Variants in CRACR2A observed in about 807,000 individuals in gnomAD.
CRACR2A encodes the protein EF-hand calcium-binding domain-containing protein 4B.
A neutral mutation model predicts 90.5 loss-of-function variants in CRACR2A; 79 were observed. That is an observed-to-expected ratio of 0.87 (90% CI 0.73 to 1.05). CRACR2A has a LOEUF of 1.05. Among genes scored for constraint, CRACR2A ranks in the 50% least tolerant of loss-of-function variants. CRACR2A has a pLI of 0.00. For missense variants in CRACR2A, 823 were observed against 897.2 expected, an observed-to-expected ratio of 0.92 and a Z score of 1.06; for synonymous variants, 338 against 356.7, an observed-to-expected ratio of 0.95 and a Z score of 0.59.
intron 9 of CRACR2A, among the ~76,000 whole-genome samples, chr12:3,655,701 T>C (rs560854856): frequency 6.6e-6 from 1 of 152,326 alleles, no homozygotes; most frequent in South Asian, 2.1e-4. Context: ...CACAGCCATA[T>C]AGACACTGCC....
At chr12:3,618,671 GT>G (rs1333675519) in intron 18 of CRACR2A, among the ~76,000 whole-genome samples, 1 of 152,164 alleles carries the variant, frequency 6.6e-6, no homozygotes, top group Non-Finnish European at 1.5e-5. Context: ...CAGACACACA[GT>G]TCCATGAAAA....
At chr12:3,643,871 T>A (rs1323662728) in intron 12 of CRACR2A, among the ~76,000 whole-genome samples, 2 of 43,252 alleles carry the variant, frequency 4.6e-5, no homozygotes, top group Non-Finnish European at 8.5e-5. Context: ...TTATATATAT[T>A]ATATATATTT....
intron 7 of CRACR2A, among the ~76,000 whole-genome samples, chr12:3,663,975 T>C (rs1945083975): frequency 6.6e-6 from 1 of 152,248 alleles, no homozygotes; most frequent in Admixed American, 6.5e-5. Flanking sequence ...ATTTTGTGTT[T>C]GCTATTTCTA....
In CRACR2A at chr12:3,657,785, A is replaced by G. The variant is rs373723274; in HGVS notation, c.763-1379T>C. ...CCATGATGATGTGGCTGTACCCACAATGGGCCTACAGAGCATCCTCACAAT... is the reference window on the plus strand; with the variant it reads ...CCATGATGATGTGGCTGTACCCACAGTGGGCCTACAGAGCATCCTCACAAT... On this transcript the variant is annotated intron_variant, in intron 8 of 19. Coordinates refer to ENST00000440314, the MANE Select transcript of CRACR2A (RefSeq NM_001144958.2). Among the ~76,000 whole-genome samples, 3 of 152,256 alleles carry G rather than the reference A, an allele frequency of 2.0e-5. No homozygotes were observed. The East Asian group carries it at 5.8e-4, about 29-fold the overall frequency.
In CRACR2A at chr12:3,682,207, C is replaced by T. The variant is rs577454892; in HGVS notation, c.229-1858G>A. Among the ~76,000 whole-genome samples, 298 of 152,332 alleles carry T rather than the reference C, an allele frequency of 2.0e-3. 1 individual carries two copies. The highest frequency in any genetic ancestry group is 4.7e-3 in the Admixed American group (72 of 15,300). On this transcript the variant is annotated intron_variant, in intron 4 of 19. Coordinates refer to ENST00000440314, the MANE Select transcript of CRACR2A (RefSeq NM_001144958.2). Reference sequence around the variant, plus strand: ...TTGGATTATCCTTCCTCCTTCCCCACCCTCAGACTAGGATTGCTGGATCTG... The same window carrying T: ...TTGGATTATCCTTCCTCCTTCCCCATCCTCAGACTAGGATTGCTGGATCTG...
Position 3,617,024 on chromosome 12 carries a change from T to A in CRACR2A, c.2041A>T (p.Asn681Tyr), listed in dbSNP as rs1439102175. The change falls in exon 19 of 20, where the codon AAT becomes TAT. Residue 681 changes from asparagine (N) to tyrosine (Y), a missense_variant. Coordinates refer to ENST00000440314, the MANE Select transcript of CRACR2A (RefSeq NM_001144958.2). Reference protein sequence around the residue: ...GLGEQLATENNLIFYECSAYS... With the variant: ...GLGEQLATENYLIFYECSAYS... The stretch of plus-strand genomic sequence containing the variant: ...GCGCTGCATTCATAGAAGATCAGAT[T>A]GTTCTCCTAGAATCATAAAACAGAG... The A allele has an allele frequency of 6.4e-7, 1 of 1,551,238 alleles. No homozygotes were observed. The highest frequency in any genetic ancestry group is 8.7e-7 in the Non-Finnish European group (1 of 1,146,576).
intron 4 of CRACR2A, among the ~76,000 whole-genome samples, chr12:3,681,059 G>A (rs1945440128): frequency 6.6e-6 from 1 of 151,068 alleles, no homozygotes; most frequent in Non-Finnish European, 1.5e-5. Context: ...CGATGCGGGT[G>A]CGGGTCACTT....
intron 7 of CRACR2A, among the ~76,000 whole-genome samples, chr12:3,662,735 G>A (rs1425985223): frequency 6.6e-6 from 1 of 152,242 alleles, no homozygotes; most frequent in Non-Finnish European, 1.5e-5. Context: ...TGTGTGAGCA[G>A]GAGCTGCAGA....
intron 4 of CRACR2A, among the ~76,000 whole-genome samples, chr12:3,692,181 T>C (rs1846719401): frequency 6.6e-6 from 1 of 152,234 alleles, no homozygotes; most frequent in South Asian, 2.1e-4. Context: ...TTCAGAACCC[T>C]TTCTGGAGAG....
rs148460154 is a variant in CRACR2A at position 3,647,848 on chromosome 12, C to T, written c.1118+694G>A. The T allele has an allele frequency of 2.4e-4, 232 of 985,268 alleles. 1 individual carries two copies. The African/African-American group carries it at 3.7e-3, about 16-fold the overall frequency. The allele number at this position is 985,268 out of a possible 1,614,324, so 61.0% of individuals were successfully genotyped here. A position where few individuals can be genotyped will look rare whatever the true frequency, so the allele number is the denominator to read the frequency against. On this transcript the variant is annotated intron_variant, in intron 11 of 19. Coordinates refer to ENST00000440314, the MANE Select transcript of CRACR2A (RefSeq NM_001144958.2). ...CATTCCCCAAGAGGTGCTCAGCAGG[C>T]AGTGACTTAGAAACTTCATGGGCAA...
rs1028828056 is a variant in CRACR2A at position 3,659,422 on chromosome 12, T to A, written c.762+142A>T. On this transcript the variant is annotated intron_variant, in intron 8 of 19. Coordinates refer to ENST00000440314, the MANE Select transcript of CRACR2A (RefSeq NM_001144958.2). ...TATTACATGTCCTGTGTGAAGGTGA[T>A]AAATGCCTTGAAAAAAAAATACAGC... 8.8e-5 allele frequency: 57 copies of A among 651,158 alleles called. No homozygotes were observed. In the African/African-American group the frequency reaches 9.5e-4, roughly 11 times the overall value. 40.3% of individuals were successfully genotyped at this position (651,158 alleles called of 1,614,324 possible). A position where few individuals can be genotyped will look rare whatever the true frequency, so the allele number is the denominator to read the frequency against.
At chr12:3,700,646 AT>A (rs1182387232) in intron 3 of CRACR2A, among the ~76,000 whole-genome samples, 5 of 152,378 alleles carry the variant, frequency 3.3e-5, no homozygotes, top group African/African-American at 1.2e-4. Flanking sequence ...TAAAAGGTCA[AT>A]CCATCAATAT....
At chr12:3,648,740 T>C in intron 10 of CRACR2A, 127 bp from the exon 11 acceptor site, 6 of 1,337,144 alleles carry the variant, frequency 4.5e-6, no homozygotes, top group Non-Finnish European at 6.1e-6. Context: ...CGTGGCCTCC[T>C]CCTGGAGAGC....
Position 3,714,456 on chromosome 12 carries a change from ACT to A in CRACR2A, c.-117-1141_-117-1140del, listed in dbSNP as rs141011123. 3.7e-3 allele frequency among the ~76,000 whole-genome samples: 560 copies of A among 152,194 alleles called. 3 individuals are homozygous for A. The highest frequency in any genetic ancestry group is 6.1e-3 in the Non-Finnish European group (413 of 68,012). On this transcript the variant is annotated intron_variant, in intron 2 of 19. Coordinates refer to ENST00000440314, the MANE Select transcript of CRACR2A (RefSeq NM_001144958.2). ...GGAAGCAAACAAATGGGGAGACTTC[ACT>A]CTCTGGTGTTTTCCCAGGCAGCAGC... is the stretch of plus-strand genomic sequence containing the variant.
intron 15 of CRACR2A, among the ~76,000 whole-genome samples, chr12:3,629,587 C>T (rs1264238373): frequency 2.0e-5 from 3 of 152,220 alleles, no homozygotes; most frequent in Admixed American, 1.3e-4. Flanking sequence ...TGCAGGTAGA[C>T]GGGCAGGGAG....
chr12:3,634,024 G>C (rs1184569888), intron 14 of CRACR2A, among the ~76,000 whole-genome samples: 1 of 152,200 alleles, frequency 6.6e-6, no homozygotes, highest in East Asian at 1.9e-4. Flanking sequence ...CTGGATTCCA[G>C]TGGGGTGGAG....
chr12:3,723,429 A>G (rs1261107535), intron 2 of CRACR2A, among the ~76,000 whole-genome samples: 1 of 152,130 alleles, frequency 6.6e-6, no homozygotes, highest in Admixed American at 6.5e-5. Flanking sequence ...TTTCTAATAA[A>G]TAAGAGGAGG....
At chr12:3,740,724 A>G (rs80056646) in intron 1 of CRACR2A, among the ~76,000 whole-genome samples, 1,650 of 152,274 alleles carry the variant, frequency 0.011, 31 homozygotes, top group African/African-American at 0.038. Context: ...TACATAATTT[A>G]ACCCATTATG....
intron 11 of CRACR2A, 171 bp downstream of exon 11, chr12:3,648,371 G>C: frequency 1.3e-6 from 2 of 1,516,838 alleles, no homozygotes; most frequent in South Asian, 1.3e-5. Flanking sequence ...AAACATAATA[G>C]AGTGGCTACT....
Sources: gnomAD v4.1 joint callset for allele counts (sites outside exome capture counted in the v4.1 genomes callset) on GRCh38, gnomAD v4.1.1 for gene constraint, MANE v1.5 for transcripts, NCBI Gene and HGNC (gene_info 2026-07-23, HGNC 2026-07-21) for gene names.